Variants in PAGR1 observed in about 807,000 individuals in gnomAD.
PAGR1 encodes the protein PAXIP1 associated glutamate rich protein 1.
PAGR1 carries 20 observed loss-of-function variants against 22.4 expected under a neutral mutation model. The ratio of observed to expected loss-of-function variants is 0.89; its 90% confidence interval spans 0.63 to 1.30. The LOEUF (loss-of-function observed/expected upper bound fraction) is 1.30. Ranked by LOEUF, PAGR1 falls within the 50% of genes most tolerant of loss-of-function variation. PAGR1 has a pLI of 0.00. For synonymous variants in PAGR1, 161 were observed against 148.3 expected (o/e 1.09, Z -0.62); for missense variants, 338 against 343.6 (o/e 0.98, Z 0.13).
chr16:29,820,256 A>G lies in PAGR1; in HGVS notation c.*502A>G, dbSNP rs967173555. ...CACCTGTCCCATCTCGGGCCCTCCA[A>G]CTCCTCCCAGTCCCACTCCAGTGCA... On this transcript the variant is annotated 3_prime_UTR_variant, in exon 3 of 3. Coordinates refer to ENST00000320330, the MANE Select transcript of PAGR1 (RefSeq NM_024516.4). 3 of 152,580 alleles carry G rather than the reference A, an allele frequency of 2.0e-5. No individual in the cohort carries two copies. Among genetic ancestry groups the G allele is most frequent in the Non-Finnish European group, 4.4e-5 (3 of 68,362 alleles). 9.5% of individuals were successfully genotyped at this position (152,580 alleles called of 1,614,324 possible).
Position 29,816,705 on chromosome 16 carries a change from G to T in PAGR1, c.180G>T (p.Glu60Asp). 6.2e-7 allele frequency: 1 copy of T among 1,607,922 alleles called. No individual in the cohort carries two copies. Among genetic ancestry groups the T allele is most frequent in the Non-Finnish European group, 8.5e-7 (1 of 1,177,394 alleles). Residue 60 changes from glutamate (E) to aspartate (D), a missense_variant, in exon 1 of 3, where the codon GAG becomes GAT. Coordinates refer to ENST00000320330, the MANE Select transcript of PAGR1 (RefSeq NM_024516.4). The part of the protein sequence containing the change: ...GEGGREETER[E>D]GSGGEEAQGE... Reference sequence around the variant, plus strand: ...GAGGCCGAGAGGAGACCGAGCGTGAGGGGTCCGGGGGCGAGGAGGCGCAGG... The same window carrying T: ...GAGGCCGAGAGGAGACCGAGCGTGATGGGTCCGGGGGCGAGGAGGCGCAGG...
At chr16:29,817,997 C>G (rs572850260) in intron 2 of PAGR1, 1 of 152,262 alleles carries the variant, frequency 6.6e-6, no homozygotes, top group South Asian at 2.1e-4. Context: ...TTTAAAAAAA[C>G]AACTAGTCAT....
chr16:29,817,625 C>T (rs1368544441), intron 2 of PAGR1, among the ~76,000 whole-genome samples: 2 of 151,752 alleles, frequency 1.3e-5, no homozygotes, highest in Admixed American at 6.6e-5. Context: ...AGACGCATGC[C>T]ACCACTCTGG....
In PAGR1 at chr16:29,819,558, G is replaced by A; in HGVS notation, c.569G>A (p.Ser190Asn). 6.2e-7 allele frequency: 1 copy of A among 1,614,034 alleles called. No homozygotes were observed. Among genetic ancestry groups the A allele is most frequent in the East Asian group, 2.2e-5 (1 of 44,872 alleles). Residue 190 changes from serine to asparagine, a missense_variant, in exon 3 of 3, where the codon AGC becomes AAC. By Grantham distance (46) the Ser-to-Asn change is conservative. Transcript: ENST00000320330. ...SLIDRRRTPG[S>N]SARSQKREAR... ...ATCTTACCTTCCTCTTCTCCAGGAA[G>A]CTCAGCCCGGAGCCAGAAACGGGAG...
At position 29,821,605 on chromosome 16, in the gene PAGR1, G is replaced by A. The variant is rs1051512935; in HGVS notation, c.*1851G>A. ...CCCAGGTCCTCTAGTTCTTGTTCTC[G>A]GCTTAGAATCTTTGTGTTTCTGCCT... On this transcript the variant is annotated 3_prime_UTR_variant, in exon 3 of 3. Transcript: ENST00000320330. 3.3e-5 allele frequency among the ~76,000 whole-genome samples: 5 copies of A among 152,160 alleles called. No homozygotes were observed. Among genetic ancestry groups the A allele is most frequent in the South Asian group, 4.1e-4 (2 of 4,834 alleles).
In PAGR1 at chr16:29,820,327, T is replaced by C. The variant is rs1900338243; in HGVS notation, c.*573T>C. ...AAACCCATGAGCACTCAGGGAGCAG[T>C]GTGCCTTCAGCTGCAGCAGAAGCAG... On this transcript the variant is annotated 3_prime_UTR_variant, in exon 3 of 3. Coordinates refer to ENST00000320330, the MANE Select transcript of PAGR1 (RefSeq NM_024516.4). The C allele has an allele frequency of 6.6e-6, 1 of 152,256 alleles. No homozygotes were observed. Among genetic ancestry groups the C allele is most frequent in the Non-Finnish European group, 1.5e-5 (1 of 68,100 alleles). The allele number at this position is 152,256 out of a possible 1,614,324, so 9.4% of individuals were successfully genotyped here. A position where few individuals can be genotyped will look rare whatever the true frequency, so the allele number is the denominator to read the frequency against.
Position 29,816,539 on chromosome 16 carries a change from G to T in PAGR1, c.14G>T (p.Arg5Leu), listed in dbSNP as rs750785330. Residue 5 changes from arginine to leucine, a missense_variant, in exon 1 of 3, where the codon CGG becomes CTG. This residue lies in a region of PAGR1 where 235 missense variants were observed against 216.0 expected (regional missense o/e 1.09). Transcript: ENST00000320330. Reference protein sequence around the residue: MSLARGHGDTAASTA... With the variant: MSLALGHGDTAASTA... Reference sequence around the variant, plus strand: ...CCCTAGTGGCCTATGTCCCTTGCTCGGGGCCATGGAGACACTGCGGCCAGT... The same window carrying T: ...CCCTAGTGGCCTATGTCCCTTGCTCTGGGCCATGGAGACACTGCGGCCAGT... 7.9e-5 allele frequency: 119 copies of T among 1,508,070 alleles called. 2 individuals are homozygous for T. Among genetic ancestry groups the T allele is most frequent in the Middle Eastern group, 6.6e-4 (3 of 4,512 alleles). 93.4% of individuals were successfully genotyped at this position (1,508,070 alleles called of 1,614,324 possible).
At position 29,822,160 on chromosome 16, in the gene PAGR1, CAG is replaced by C. The variant is rs1446486550; in HGVS notation, c.*2407_*2408del. ...AAGTTGAGAAAATATTGATGAAGAT[CAG>C]GGGTGCTGAAGCCTGGTTCCTGGGG... On this transcript the variant is annotated 3_prime_UTR_variant, in exon 3 of 3. Transcript: ENST00000320330. Among the ~76,000 whole-genome samples, 1 of 148,894 alleles carries C rather than the reference CAG, an allele frequency of 6.7e-6. No individual in the cohort carries two copies. Among genetic ancestry groups the C allele is most frequent in the Admixed American group, 6.7e-5 (1 of 14,828 alleles).
rs1373160102 is a variant in PAGR1, at chr16:29,816,646, GC to G, written c.123del (p.Ser42ArgfsTer134). ...CGTGGAGGATACCGGAGGCCCCTCT[GC>G]CTCGGCCGGTAAGGCCGAGGACGAG... is the stretch of plus-strand genomic sequence containing the variant. The part of the protein sequence containing the change: ...LAVEDTGGPS[A>X]SAGKAEDEGE... On this transcript the variant is annotated frameshift_variant, in exon 1 of 3. Transcript: ENST00000320330. LOFTEE classifies it high-confidence loss of function. 3.9e-6 allele frequency: 6 copies of G among 1,553,940 alleles called. No individual in the cohort carries two copies. The African/African-American group carries it at 8.3e-5, about 21-fold the overall frequency.
Position 29,816,644 on chromosome 16 carries a change from C to T in PAGR1, c.119C>T (p.Ser40Phe), listed in dbSNP as rs1243017349. The change falls in exon 1 of 3, where the codon TCT (serine) becomes TTT (phenylalanine). Residue 40 changes from serine (S) to phenylalanine (F), a missense_variant. Around this residue, in one of 3 missense-constraint regions of PAGR1, gnomAD observed 235 missense variants for 216.0 expected, o/e 1.09. Coordinates refer to ENST00000320330, the MANE Select transcript of PAGR1 (RefSeq NM_024516.4). ...ALAVEDTGGPSASAGKAEDEG... is the reference protein window; with the variant it reads ...ALAVEDTGGPFASAGKAEDEG... ...GCCGTGGAGGATACCGGAGGCCCCT[C>T]TGCCTCGGCCGGTAAGGCCGAGGAC... is the stretch of plus-strand genomic sequence containing the variant. 1.3e-6 allele frequency: 2 copies of T among 1,548,886 alleles called. No homozygotes were observed. The highest frequency in any genetic ancestry group is 1.7e-6 in the Non-Finnish European group (2 of 1,149,822).
In PAGR1 at chr16:29,821,585, G is replaced by T. The variant is rs1440003342; in HGVS notation, c.*1831G>T. On this transcript the variant is annotated 3_prime_UTR_variant, in exon 3 of 3. Transcript: ENST00000320330. Reference sequence around the variant, plus strand: ...CTGGGCAGTACACAGCCCCACCCAGGTCCTCTAGTTCTTGTTCTCGGCTTA... The same window carrying T: ...CTGGGCAGTACACAGCCCCACCCAGTTCCTCTAGTTCTTGTTCTCGGCTTA... 6.6e-6 allele frequency among the ~76,000 whole-genome samples: 1 copy of T among 152,200 alleles called. No homozygotes were observed. The highest frequency in any genetic ancestry group is 2.4e-5 in the African/African-American group (1 of 41,446).
rs1382709269 is a variant in PAGR1, at chr16:29,817,221, C to T, written c.494C>T (p.Pro165Leu). ...TTCACCTGTCCCAGACCACACATGC[C>T]CACGGAATTTGATTTTGATGATGAG... ...KEEEEEKPHM[P>L]TEFDFDDEPV... The change falls in exon 2 of 3, where the codon CCC becomes CTC. Residue 165 changes from proline (P) to leucine (L), a missense_variant. Coordinates refer to ENST00000320330, the MANE Select transcript of PAGR1 (RefSeq NM_024516.4). 2.5e-6 allele frequency: 4 copies of T among 1,614,030 alleles called. No homozygotes were observed. The South Asian group carries it at 4.4e-5, about 18-fold the overall frequency.
intron 2 of PAGR1, chr16:29,818,445 A>C (rs1900290558): frequency 6.6e-6 from 1 of 152,178 alleles, no homozygotes; most frequent in Non-Finnish European, 1.5e-5. Context: ...CTCCACTTTC[A>C]ATACCACATC....
rs1437490862 is a variant in PAGR1, at chr16:29,816,380, G to A, written c.-146G>A. ...TGGTGGGGACTGAGCGCCCCCTCCCGGGGACGGGCGGTCTGGCCGCGGAGT... is the reference window on the plus strand; with the variant it reads ...TGGTGGGGACTGAGCGCCCCCTCCCAGGGACGGGCGGTCTGGCCGCGGAGT... On this transcript the variant is annotated 5_prime_UTR_variant, in exon 1 of 3. Transcript: ENST00000320330. 3 of 827,220 alleles carry A rather than the reference G, an allele frequency of 3.6e-6. No individual in the cohort carries two copies. The highest frequency in any genetic ancestry group is 5.0e-6 in the Non-Finnish European group (3 of 597,794). The allele number at this position is 827,220 out of a possible 1,614,324, so 51.2% of individuals were successfully genotyped here.
In PAGR1 at chr16:29,819,515, C is replaced by T. The variant is rs747330861; in HGVS notation, c.566-40C>T. On this transcript the variant is annotated intron_variant, in intron 2 of 2. Coordinates refer to ENST00000320330, the MANE Select transcript of PAGR1 (RefSeq NM_024516.4). ...GTCCAGGCAGGTATGGTGTACACCA[C>T]CTCCATCCCTTCCATGTATCTTACC... The T allele has an allele frequency of 1.7e-5, 27 of 1,606,058 alleles. No individual in the cohort carries two copies. The East Asian group carries it at 2.9e-4, about 17-fold the overall frequency.
intron 2 of PAGR1, chr16:29,818,446 A>G (rs1339241401): frequency 6.6e-6 from 1 of 152,210 alleles, no homozygotes; most frequent in Non-Finnish European, 1.5e-5. Context: ...TCCACTTTCA[A>G]TACCACATCC....
Position 29,820,754 on chromosome 16 carries a change from C to CCA in PAGR1, c.*1002_*1003dup, listed in dbSNP as rs1319294896. 6.6e-6 allele frequency: 1 copy of CCA among 152,340 alleles called. No individual in the cohort carries two copies. The highest frequency in any genetic ancestry group is 1.5e-5 in the Non-Finnish European group (1 of 68,212). The allele number at this position is 152,340 out of a possible 1,614,324, so 9.4% of individuals were successfully genotyped here. ...GCAGATTAACACCAACACCGGTCCC[C>CCA]CACCCCCCTGCAACTCTCAGGCCTC... On this transcript the variant is annotated 3_prime_UTR_variant, in exon 3 of 3. Coordinates refer to ENST00000320330, the MANE Select transcript of PAGR1 (RefSeq NM_024516.4).
In PAGR1 at chr16:29,816,175, A is replaced by G; in HGVS notation, c.-351A>G. On this transcript the variant is annotated 5_prime_UTR_variant, in exon 1 of 3. Transcript: ENST00000320330. Reference sequence around the variant, plus strand: ...CCAGGTGCGTACGGCATCTGACTTGACGTGGCCCACAACTGAAAGGTCTGG... The same window carrying G: ...CCAGGTGCGTACGGCATCTGACTTGGCGTGGCCCACAACTGAAAGGTCTGG... 1 of 352,374 alleles carries G rather than the reference A, an allele frequency of 2.8e-6. No individual in the cohort carries two copies. Among genetic ancestry groups the G allele is most frequent in the Non-Finnish European group, 5.1e-6 (1 of 196,634 alleles). The allele number at this position is 352,374 out of a possible 1,614,324, so 21.8% of individuals were successfully genotyped here.
In PAGR1 at chr16:29,822,129, T is replaced by G. The variant is rs1475457847; in HGVS notation, c.*2375T>G. ...AAAGAATTATAGCTCAGTCCTATGA[T>G]TAGGCAAGTTGAGAAAATATTGATG... is the stretch of plus-strand genomic sequence containing the variant. On this transcript the variant is annotated 3_prime_UTR_variant, in exon 3 of 3. Transcript: ENST00000320330. Among the ~76,000 whole-genome samples, 3 of 151,480 alleles carry G rather than the reference T, an allele frequency of 2.0e-5. No homozygotes were observed. In the East Asian group the frequency reaches 5.8e-4, roughly 29 times the overall value.
Sources: gnomAD v4.1 joint callset for allele counts (sites outside exome capture counted in the v4.1 genomes callset) on GRCh38, gnomAD v4.1.1 for gene constraint, gnomAD v4.1.1 regional missense constraint, MANE v1.5 for transcripts, NCBI Gene and HGNC (gene_info 2026-07-23, HGNC 2026-07-21) for gene names.